Variants in FHIT observed in about 807,000 individuals in gnomAD.
The protein encoded by FHIT is bis(5'-adenosyl)-triphosphatase.
A neutral mutation model predicts 17.9 loss-of-function variants in FHIT; 19 were observed. The ratio of observed to expected loss-of-function variants is 1.06; its 90% CI spans 0.74 to 1.56. FHIT has a LOEUF of 1.56. Among genes scored for constraint, FHIT ranks in the 40% most tolerant of loss-of-function variants. The probability of loss-of-function intolerance (pLI) is 0.00; values close to 1 mark genes in which losing one functional copy is unlikely to be tolerated. For synonymous variants in FHIT, 81 were observed against 69.7 expected, an observed-to-expected ratio of 1.16 and a Z score of -0.81; for missense variants, 248 against 189.2, an observed-to-expected ratio of 1.31 and a Z score of -1.82.
intron 3 of FHIT, among the ~76,000 whole-genome samples, chr3:61,004,644 G>T (rs1267558722): frequency 6.6e-6 from 1 of 152,056 alleles, no homozygotes; most frequent in Admixed American, 6.6e-5. Flanking sequence ...GACCCCACAG[G>T]GAGTGATCCA....
chr3:59,948,374 G>GGCA (rs34335070), intron 7 of FHIT, among the ~76,000 whole-genome samples: 37,081 of 148,640 alleles, frequency 0.25, 4,956 homozygotes, highest in East Asian at 0.35. Context: ...AAAATTAGCC[G>GGCA]GGCATAGTGG....
chr3:60,760,975 G>A (rs1474341351), intron 4 of FHIT, among the ~76,000 whole-genome samples: 1 of 151,940 alleles, frequency 6.6e-6, no homozygotes, highest in Non-Finnish European at 1.5e-5. Flanking sequence ...TAGCCTGTTG[G>A]GCTCCGAGAA....
At chr3:60,150,978 T>C (rs1700439541) in intron 5 of FHIT, among the ~76,000 whole-genome samples, 1 of 151,932 alleles carries the variant, frequency 6.6e-6, no homozygotes, top group Non-Finnish European at 1.5e-5. Flanking sequence ...TACTTCACAA[T>C]GGAATTAAAG....
chr3:59,779,730 C>T (rs996489534), intron 8 of FHIT, among the ~76,000 whole-genome samples: 2 of 152,180 alleles, frequency 1.3e-5, no homozygotes, highest in African/African-American at 4.8e-5. Context: ...TGGGACCAAT[C>T]CTGTACCTCT....
At chr3:60,577,698 T>C (rs1553658078) in intron 4 of FHIT, among the ~76,000 whole-genome samples, 2 of 152,106 alleles carry the variant, frequency 1.3e-5, no homozygotes, top group Admixed American at 6.6e-5. Context: ...TTGGAAGTCT[T>C]TTTTATTTCT....
chr3:60,317,785 CT>C (rs1167066830), intron 5 of FHIT, among the ~76,000 whole-genome samples: 1 of 113,256 alleles, frequency 8.8e-6, no homozygotes, highest in Non-Finnish European at 1.6e-5. Flanking sequence ...GCAAGTTTTT[CT>C]TCTTTTTTTT....
At chr3:60,701,857 A>T (rs2041255837) in intron 4 of FHIT, among the ~76,000 whole-genome samples, 1 of 152,182 alleles carries the variant, frequency 6.6e-6, no homozygotes, top group South Asian at 2.1e-4. Context: ...TTCAAAGTTA[A>T]ACTATAAACT....
At chr3:61,117,632 G>T (rs2036337251) in intron 2 of FHIT, among the ~76,000 whole-genome samples, 1 of 152,180 alleles carries the variant, frequency 6.6e-6, no homozygotes, top group Non-Finnish European at 1.5e-5. Context: ...TACATTTACT[G>T]ATTGCTAATT....
chr3:60,276,312 T>C (rs567424647), intron 5 of FHIT, among the ~76,000 whole-genome samples: 2 of 152,306 alleles, frequency 1.3e-5, no homozygotes, highest in South Asian at 4.1e-4. Flanking sequence ...TATACTACAA[T>C]GTTTCCTTCT....
At chr3:60,957,517 G>A (rs747754749) in intron 3 of FHIT, among the ~76,000 whole-genome samples, 18 of 151,362 alleles carry the variant, frequency 1.2e-4, no homozygotes, top group African/African-American at 1.5e-4. Flanking sequence ...GATTACAGGC[G>A]TGAGCCATGG....
chr3:61,109,569 A>G (rs1293192454), intron 2 of FHIT, among the ~76,000 whole-genome samples: 1 of 152,102 alleles, frequency 6.6e-6, no homozygotes, highest in Admixed American at 6.5e-5. Flanking sequence ...AGCCCCCAGT[A>G]AAAGCCCATG....
intron 5 of FHIT, among the ~76,000 whole-genome samples, chr3:60,241,756 T>C (rs1350057576): frequency 6.6e-6 from 1 of 152,118 alleles, no homozygotes; most frequent in East Asian, 1.9e-4. Flanking sequence ...TATTCATGAC[T>C]AGTAGGAGTT....
intron 5 of FHIT, among the ~76,000 whole-genome samples, chr3:60,490,281 C>A (rs946530593): frequency 2.0e-5 from 3 of 151,874 alleles, no homozygotes; most frequent in African/African-American, 7.3e-5. Flanking sequence ...AAAGATGTTA[C>A]ATTAGACATC....
chr3:60,352,727 G>A (rs1003326992), intron 5 of FHIT, among the ~76,000 whole-genome samples: 14 of 152,040 alleles, frequency 9.2e-5, no homozygotes, highest in African/African-American at 3.4e-4. Context: ...TGCCTAGGCT[G>A]ATCTCAAACT....
Position 60,074,673 on chromosome 3 carries a change from A to AC in FHIT, c.104-60522dup, listed in dbSNP as rs71089575. 2.8e-4 allele frequency among the ~76,000 whole-genome samples: 43 copies of AC among 151,332 alleles called. No homozygotes were observed. In the East Asian group the frequency reaches 6.0e-3, roughly 21 times the overall value. On this transcript the variant is annotated intron_variant, in intron 5 of 9. Transcript: ENST00000492590. ...TAACTGTTCCAAAGGGGAAAAAAAA[A>AC]CAACATGCACTTTAAAAGCATGATG...
At chr3:60,774,403 C>A (rs1553723943) in intron 4 of FHIT, among the ~76,000 whole-genome samples, 1 of 152,154 alleles carries the variant, frequency 6.6e-6, no homozygotes, top group African/African-American at 2.4e-5. Context: ...CGCGTTCATG[C>A]AATTGTCCTG....
chr3:60,050,285 T>C (rs960962150), intron 5 of FHIT, among the ~76,000 whole-genome samples: 20 of 152,174 alleles, frequency 1.3e-4, no homozygotes, highest in Non-Finnish European at 1.6e-4. Context: ...ACACAAATCT[T>C]TAATTATAAT....
At chr3:61,207,066 A>G (rs984007774) in intron 1 of FHIT, among the ~76,000 whole-genome samples, 1 of 152,160 alleles carries the variant, frequency 6.6e-6, no homozygotes, top group Non-Finnish European at 1.5e-5. Flanking sequence ...TTCTGCATCT[A>G]TTGAGATAAT....
chr3:61,023,984 C>T (rs113352102), intron 3 of FHIT, among the ~76,000 whole-genome samples: 39,606 of 151,886 alleles, frequency 0.26, 6,053 homozygotes, highest in African/African-American at 0.43. Context: ...GCAACAAAAG[C>T]CAAAATTGAC....
Sources: gnomAD v4.1 joint callset for allele counts (sites outside exome capture counted in the v4.1 genomes callset) on GRCh38, gnomAD v4.1.1 for gene constraint, MANE v1.5 for transcripts, NCBI Gene and HGNC (gene_info 2026-07-23, HGNC 2026-07-21) for gene names.